PRKG2: variants seen among roughly 807,000 people sequenced by gnomAD.
PRKG2 encodes cGMP-dependent protein kinase 2.
Under a neutral mutation model 97.2 loss-of-function variants are expected in PRKG2, and 33 were observed. The ratio of observed to expected loss-of-function variants is 0.34; its 90% CI spans 0.26 to 0.45. The LOEUF is 0.45. PRKG2 is among the 20% of genes least tolerant of loss of function. PRKG2 has a pLI of 1.00. For missense variants in PRKG2, 638 were observed against 900.0 expected (o/e 0.71, Z 3.73); for synonymous variants, 330 against 321.8 (o/e 1.03, Z -0.27).
At chr4:81,176,003 G>A (rs998102939) in intron 2 of PRKG2, 3 of 152,044 alleles carry the variant, frequency 2.0e-5, no homozygotes, top group African/African-American at 2.4e-5. Context: ...GGAAGCTGGT[G>A]ATCTTTTTCT....
chr4:81,156,373 G>C (rs549639254), intron 6 of PRKG2, among the ~76,000 whole-genome samples: 1 of 152,202 alleles, frequency 6.6e-6, no homozygotes, highest in Non-Finnish European at 1.5e-5. Context: ...TCAGCAAGAA[G>C]AGCTAACTAT....
At chr4:81,102,689 A>C (rs1014596421) in intron 17 of PRKG2, among the ~76,000 whole-genome samples, 10 of 152,144 alleles carry the variant, frequency 6.6e-5, no homozygotes, top group Non-Finnish European at 1.3e-4. Context: ...AACATCCTTA[A>C]GGCAGAGCTC....
chr4:81,100,349 C>T (rs1409791422), intron 17 of PRKG2, among the ~76,000 whole-genome samples: 2 of 152,192 alleles, frequency 1.3e-5, no homozygotes, highest in Non-Finnish European at 2.9e-5. Flanking sequence ...CAGCATGTTA[C>T]TGGTACCAAA....
At chr4:81,140,783 T>C in intron 11 of PRKG2, 114 bp from the exon 12 acceptor site, 1 of 851,154 alleles carries the variant, frequency 1.2e-6, no homozygotes, top group Non-Finnish European at 1.7e-6. Flanking sequence ...CCTTAGCCAC[T>C]TATCCCTTTG....
At chr4:81,130,002 C>T (rs1056984912) in intron 14 of PRKG2, among the ~76,000 whole-genome samples, 3 of 152,148 alleles carry the variant, frequency 2.0e-5, no homozygotes, top group African/African-American at 7.2e-5. Context: ...GTGCTTCCTT[C>T]AGAAGTTCTT....
intron 2 of PRKG2, among the ~76,000 whole-genome samples, chr4:81,190,396 A>G (rs1752381206): frequency 6.6e-6 from 1 of 152,210 alleles, no homozygotes; most frequent in African/African-American, 2.4e-5. Flanking sequence ...CATATGCAGA[A>G]AACTGAAACT....
At chr4:81,165,475 T>C (rs1360439252) in intron 6 of PRKG2, among the ~76,000 whole-genome samples, 1 of 152,194 alleles carries the variant, frequency 6.6e-6, no homozygotes, top group Non-Finnish European at 1.5e-5. Context: ...CAGTAGTGAT[T>C]GGCTGTTGTC....
At chr4:81,150,939 T>C (rs74287337) in intron 8 of PRKG2, among the ~76,000 whole-genome samples, 14,414 of 152,228 alleles carry the variant, frequency 0.095, 918 homozygotes, top group Middle Eastern at 0.19. Context: ...AGCTTATCTT[T>C]AAATCCCACT....
intron 5 of PRKG2, among the ~76,000 whole-genome samples, chr4:81,168,017 A>C (rs763857773): frequency 4.6e-5 from 7 of 151,534 alleles, no homozygotes; most frequent in Non-Finnish European, 1.0e-4. Flanking sequence ...AGAATATCAC[A>C]TACTTCATAA....
chr4:81,119,914 T>A (rs1477014506), intron 14 of PRKG2, among the ~76,000 whole-genome samples: 1 of 152,116 alleles, frequency 6.6e-6, no homozygotes, highest in African/African-American at 2.4e-5. Flanking sequence ...GACCTTGTGA[T>A]CCGCCCACCT....
At chr4:81,095,544 T>C (rs769813380) in intron 17 of PRKG2, among the ~76,000 whole-genome samples, 5 of 152,236 alleles carry the variant, frequency 3.3e-5, no homozygotes, top group Non-Finnish European at 5.9e-5. Context: ...AAACAGCCCA[T>C]GTGTTGCTTA....
chr4:81,163,111 T>G (rs1749704245), intron 6 of PRKG2, among the ~76,000 whole-genome samples: 1 of 152,154 alleles, frequency 6.6e-6, no homozygotes, highest in Non-Finnish European at 1.5e-5. Context: ...GGATGATTCT[T>G]TGTCACCCAA....
At chr4:81,147,637 A>C (rs1036384444) in intron 9 of PRKG2, among the ~76,000 whole-genome samples, 2 of 152,140 alleles carry the variant, frequency 1.3e-5, no homozygotes, top group African/African-American at 4.8e-5. Flanking sequence ...TTGGGAGCCA[A>C]CTGGCATGGT....
intron 17 of PRKG2, among the ~76,000 whole-genome samples, chr4:81,099,974 G>A (rs9993765): frequency 0.045 from 6,904 of 152,140 alleles, 544 homozygotes; most frequent in East Asian, 0.34. Flanking sequence ...TTGCTTCAAA[G>A]AGAATAAAAT....
At chr4:81,098,842 T>G (rs1438466750) in intron 17 of PRKG2, among the ~76,000 whole-genome samples, 1 of 152,172 alleles carries the variant, frequency 6.6e-6, no homozygotes, top group Non-Finnish European at 1.5e-5. Context: ...TGTAAAATAT[T>G]GTAAGAATTA....
At chr4:81,097,002 A>G (rs1742181604) in intron 17 of PRKG2, among the ~76,000 whole-genome samples, 2 of 152,170 alleles carry the variant, frequency 1.3e-5, no homozygotes, top group South Asian at 4.1e-4. Flanking sequence ...CTTTGCCCAG[A>G]GCCATCAAAG....
chr4:81,184,974 T>C (rs1273575397), intron 2 of PRKG2, among the ~76,000 whole-genome samples: 1 of 142,954 alleles, frequency 7.0e-6, no homozygotes, highest in Admixed American at 6.7e-5. Context: ...CAAAGCCTAA[T>C]ATGTGAAAAG....
chr4:81,210,700 G>C (rs576936060), intron 1 of PRKG2, among the ~76,000 whole-genome samples: 178 of 152,196 alleles, frequency 1.2e-3, no homozygotes, highest in Middle Eastern at 6.8e-3. Flanking sequence ...CATGCTTCTT[G>C]GTATCTACCC....
intron 2 of PRKG2, among the ~76,000 whole-genome samples, chr4:81,202,736 T>A (rs912946922): frequency 6.6e-6 from 1 of 151,912 alleles, no homozygotes; most frequent in Non-Finnish European, 1.5e-5. Flanking sequence ...TACTGATTTT[T>A]TTTTTGCCTG....
Sources: allele counts gnomAD v4.1 joint callset (sites outside exome capture counted in the v4.1 genomes callset), GRCh38; gene constraint gnomAD v4.1.1; transcripts MANE v1.5; gene names NCBI Gene and HGNC (gene_info 2026-07-23, HGNC 2026-07-21).